Variants in PRH1 observed in about 807,000 individuals in gnomAD.
PRH1 encodes salivary acidic proline-rich phosphoprotein 1/2.
Under a neutral mutation model 7.9 loss-of-function variants are expected in PRH1, and 7 were observed. The observed-to-expected ratio is 0.89, with a 90% CI of 0.50 to 1.67. The LOEUF is 1.67. Among genes scored for constraint, PRH1 ranks in the 40% most tolerant of loss-of-function variants. PRH1 has a pLI of 0.00. For missense variants in PRH1, 109 were observed against 223.6 expected (o/e 0.49, Z 3.27); for synonymous variants, 45 against 80.8 (o/e 0.56, Z 2.38).
intron 1 of PRH1, among the ~76,000 whole-genome samples, chr12:11,022,948 C>T (rs1941736357): frequency 6.6e-6 from 1 of 152,094 alleles, no homozygotes; most frequent in African/African-American, 2.4e-5. Flanking sequence ...TTTAACCTCT[C>T]CATAATTTGT....
chr12:11,126,544 T>A (rs1456590411), intron 1 of PRH1, among the ~76,000 whole-genome samples: 8 of 152,226 alleles, frequency 5.3e-5, no homozygotes, highest in Non-Finnish European at 5.9e-5. Flanking sequence ...TTTGACAGAC[T>A]TGTCAACTTT....
At chr12:11,160,596 G>A (rs544341598) in intron 1 of PRH1, among the ~76,000 whole-genome samples, 26 of 152,088 alleles carry the variant, frequency 1.7e-4, no homozygotes, top group African/African-American at 6.0e-4. Context: ...TCAGCCTCCC[G>A]AGTAGCTGGG....
At chr12:11,104,181 TAAA>T (rs760838136) in intron 1 of PRH1, among the ~76,000 whole-genome samples, 17 of 49,562 alleles carry the variant, frequency 3.4e-4, no homozygotes, top group Admixed American at 2.0e-3. Context: ...AATGAAAGAG[TAAA>T]AAAAAAAAAA....
At chr12:11,059,587 C>T (rs574369617) in intron 1 of PRH1, among the ~76,000 whole-genome samples, 16 of 141,248 alleles carry the variant, frequency 1.1e-4, no homozygotes, top group South Asian at 8.6e-4. Context: ...GTTGTTTATA[C>T]GCTTTCTAAA....
intron 2 of PRH1, among the ~76,000 whole-genome samples, chr12:10,935,022 T>C (rs1429613738): frequency 6.6e-6 from 1 of 152,170 alleles, no homozygotes; most frequent in East Asian, 1.9e-4. Flanking sequence ...GAGGGAAGAC[T>C]GAGGGGATAT....
At chr12:10,900,582 G>C (rs904038357) in intron 2 of PRH1, among the ~76,000 whole-genome samples, 2 of 152,146 alleles carry the variant, frequency 1.3e-5, no homozygotes, top group Non-Finnish European at 2.9e-5. Flanking sequence ...GGGGCAGGAG[G>C]GGAGCTGCTA....
intron 1 of PRH1, among the ~76,000 whole-genome samples, chr12:11,112,195 C>G (rs927968735): frequency 6.6e-6 from 1 of 151,998 alleles, no homozygotes; most frequent in Non-Finnish European, 1.5e-5. Flanking sequence ...CAGGAACAGA[C>G]ATATTCACAA....
At chr12:10,957,672 G>C (rs1275640843) in intron 2 of PRH1, among the ~76,000 whole-genome samples, 2 of 151,880 alleles carry the variant, frequency 1.3e-5, no homozygotes, top group African/African-American at 4.8e-5. Flanking sequence ...CTATGCAAAT[G>C]ACAAAGGCGT....
At chr12:10,926,474 T>G in intron 2 of PRH1, among the ~76,000 whole-genome samples, 1 of 152,288 alleles carries the variant, frequency 6.6e-6, no homozygotes, top group East Asian at 1.9e-4. Context: ...GTCATGAAAT[T>G]TGGACCTTAT....
At chr12:11,055,951 C>G (rs2597997) in intron 1 of PRH1, among the ~76,000 whole-genome samples, 67,314 of 122,524 alleles carry the variant, frequency 0.55, 15,548 homozygotes, top group Non-Finnish European at 0.63. Context: ...CTAAAAATCT[C>G]GTTGCTGCCA....
rs1445273246 is a variant in PRH1, at chr12:10,909,151, T to A, written c.-58-24876A>T. 3.1e-6 allele frequency: 5 copies of A among 1,613,872 alleles called. No homozygotes were observed. The African/African-American group carries it at 5.3e-5, about 17-fold the overall frequency. On this transcript the variant is annotated intron_variant, in intron 2 of 3. Transcript: ENST00000539853. ...AGCCCAATTCTGGAGATTGCCAAGA[T>A]AATGAGGAGTTTATCGACTGAGGAC...
At chr12:11,119,815 A>T (rs538846944), downstream of PRH1, among the ~76,000 whole-genome samples, 3 of 152,308 alleles carry the variant, frequency 2.0e-5, no homozygotes, top group East Asian at 5.8e-4. Flanking sequence ...GACTTCATGA[A>T]AATCTTTGGA....
In PRH1 at chr12:10,949,855, C is replaced by CTCCCT. The variant is rs553810599; in HGVS notation, c.-59+23799_-59+23800insAGGGA. Among the ~76,000 whole-genome samples the CTCCCT allele has an allele frequency of 4.6e-3, 696 of 152,154 alleles. 4 individuals carry two copies. The highest frequency in any genetic ancestry group is 0.016 in the African/African-American group (670 of 41,526). On this transcript the variant is annotated intron_variant, in intron 2 of 3. Coordinates refer to the PRH1 transcript ENST00000539853. ...ATATTGTTTCTCTTTAGTTTTCTTCCTCCCACATATCCCAGTTGTTATGAT... is the reference window on the plus strand; with the variant it reads ...ATATTGTTTCTCTTTAGTTTTCTTCCTCCCTTCCCACATATCCCAGTTGTTATGAT...
At chr12:10,984,837 T>C (rs1939524351) in intron 1 of PRH1, among the ~76,000 whole-genome samples, 1 of 152,090 alleles carries the variant, frequency 6.6e-6, no homozygotes, top group Admixed American at 6.6e-5. Flanking sequence ...AACTAGATTA[T>C]AATACAACAT....
At chr12:11,137,716 A>C (rs1946594791) in intron 1 of PRH1, among the ~76,000 whole-genome samples, 1 of 152,230 alleles carries the variant, frequency 6.6e-6, no homozygotes, top group Non-Finnish European at 1.5e-5. Flanking sequence ...ATTGAGCTTG[A>C]CTTAAACTTT....
intron 1 of PRH1, among the ~76,000 whole-genome samples, chr12:11,067,409 C>G (rs977453949): frequency 6.7e-6 from 1 of 150,292 alleles, no homozygotes; most frequent in Non-Finnish European, 1.5e-5. Context: ...CTTTGTGACA[C>G]TTTGACATGT....
chr12:10,924,689 G>C (rs1277304343), intron 2 of PRH1, among the ~76,000 whole-genome samples: 3 of 152,158 alleles, frequency 2.0e-5, no homozygotes, highest in African/African-American at 4.8e-5. Flanking sequence ...GCCTGTTAGT[G>C]GTATACTCAG....
intron 1 of PRH1, among the ~76,000 whole-genome samples, chr12:11,111,231 T>C (rs1945582129): frequency 6.6e-6 from 1 of 152,158 alleles, no homozygotes; most frequent in Non-Finnish European, 1.5e-5. Context: ...ACAGTCAATA[T>C]TAGACAGATC....
chr12:11,075,196 T>TGAAC (rs1944242771), intron 1 of PRH1, among the ~76,000 whole-genome samples: 1 of 111,282 alleles, frequency 9.0e-6, no homozygotes, highest in East Asian at 2.3e-4. Flanking sequence ...GAAAGGATAC[T>TGAAC]AAAATATATA....
Sources: allele counts gnomAD v4.1 joint callset (sites outside exome capture counted in the v4.1 genomes callset), GRCh38; gene constraint gnomAD v4.1.1; transcripts MANE v1.5; gene names NCBI Gene and HGNC (gene_info 2026-07-23, HGNC 2026-07-21).